The following ZNF512 variants were observed in gnomAD, a reference collection of about 807,000 sequenced individuals.
ZNF512 encodes the protein zinc finger protein 512.
ZNF512 carries 25 observed loss-of-function variants against 77.5 expected under a neutral mutation model. That is an observed-to-expected ratio of 0.32 (90% CI 0.23 to 0.45). ZNF512 has a LOEUF of 0.45. Among genes scored for constraint, ZNF512 ranks in the 20% least tolerant of loss-of-function variants. The pLI, the probability that ZNF512 is intolerant of heterozygous loss-of-function variation, is 1.00. For synonymous variants in ZNF512, 246 were observed against 239.9 expected, an observed-to-expected ratio of 1.03 and a Z score of -0.24; for missense variants, 483 against 692.6, an observed-to-expected ratio of 0.70 and a Z score of 3.40.
At chr2:27,593,558 C>G (rs1200942590) in intron 2 of ZNF512, among the ~76,000 whole-genome samples, 1 of 152,262 alleles carries the variant, frequency 6.6e-6, no homozygotes, top group African/African-American at 2.4e-5. Flanking sequence ...GAGGTCCAAG[C>G]TGCAGTGAGC....
intron 9 of ZNF512, among the ~76,000 whole-genome samples, chr2:27,607,088 A>G (rs1672400339): frequency 6.6e-6 from 1 of 152,084 alleles, no homozygotes; most frequent in African/African-American, 2.4e-5. Context: ...TCAACTGATT[A>G]TAGACTTTTA....
intron 2 of ZNF512, among the ~76,000 whole-genome samples, chr2:27,596,418 A>G (rs1671874261): frequency 6.6e-6 from 1 of 152,098 alleles, no homozygotes; most frequent in South Asian, 2.1e-4. Context: ...TCTCTCTAGC[A>G]TTCCTCCCAC....
At chr2:27,605,916 G>C (rs1399598879) in intron 9 of ZNF512, among the ~76,000 whole-genome samples, 1 of 152,202 alleles carries the variant, frequency 6.6e-6, no homozygotes, top group African/African-American at 2.4e-5. Context: ...GTGCCATTTT[G>C]CATTCCCCCA....
intron 8 of ZNF512, 42 bp from the exon 9 acceptor site, chr2:27,603,098 A>G: frequency 6.2e-7 from 1 of 1,603,078 alleles, no homozygotes; most frequent in South Asian, 1.1e-5. Context: ...GATCATGTCA[A>G]AAGATGTAAG....
chr2:27,591,191 C>T (rs888371594), intron 2 of ZNF512, among the ~76,000 whole-genome samples: 3 of 152,106 alleles, frequency 2.0e-5, no homozygotes, highest in African/African-American at 7.2e-5. Flanking sequence ...TGCATGGCAC[C>T]ACACCTGGAT....
At chr2:27,610,059 A>G (rs1030677181) in intron 10 of ZNF512, among the ~76,000 whole-genome samples, 1 of 151,430 alleles carries the variant, frequency 6.6e-6, no homozygotes, top group African/African-American at 2.4e-5. Flanking sequence ...AATAATAAAA[A>G]TAAATAAATA....
At chr2:27,615,001 A>T (rs1290308876) in intron 10 of ZNF512, among the ~76,000 whole-genome samples, 167 bp from the exon 11 acceptor site, 1 of 152,130 alleles carries the variant, frequency 6.6e-6, no homozygotes, top group Non-Finnish European at 1.5e-5. Context: ...AGACCATTAC[A>T]CTTATCAGTT....
chr2:27,619,884 CATT>C (rs1039054395), intron 13 of ZNF512, among the ~76,000 whole-genome samples: 5 of 152,128 alleles, frequency 3.3e-5, no homozygotes, highest in Non-Finnish European at 5.9e-5. Flanking sequence ...CCACAAACAT[CATT>C]ATACCTAAAA....
Position 27,617,533 on chromosome 2 carries a change from A to G in ZNF512, c.1357A>G (p.Ser453Gly), listed in dbSNP as rs1244939159. ...LLCQKEFVSE[S>G]GVKYHINSVH... ...ATGTCAGAAAGAATTTGTGTCAGAG[A>G]GTGGTGTCAAGTATCACATCAACTC... The change falls in exon 13 of 14, where the codon AGT becomes GGT. Residue 453 changes from serine (S) to glycine (G), a missense_variant. Ser to Gly is a moderately conservative substitution (Grantham distance 56). Transcript: ENST00000355467. 1 of 1,473,508 alleles carries G rather than the reference A, an allele frequency of 6.8e-7. No individual in the cohort carries two copies. Among genetic ancestry groups the G allele is most frequent in the Non-Finnish European group, 9.5e-7 (1 of 1,051,770 alleles). 91.3% of individuals were successfully genotyped at this position (1,473,508 alleles called of 1,614,324 possible).
rs193213626 is a variant in ZNF512, at chr2:27,618,460, C to T, written c.1395+889C>T. Among the ~76,000 whole-genome samples, 154 of 152,250 alleles carry T rather than the reference C, an allele frequency of 1.0e-3. 4 individuals are homozygous for T. The East Asian group carries it at 0.023, about 23-fold the overall frequency. On this transcript the variant is annotated intron_variant, in intron 13 of 13. Coordinates refer to ENST00000355467, the MANE Select transcript of ZNF512 (RefSeq NM_032434.4). Reference sequence around the variant, plus strand: ...ACTGTATTAAATAATAGTATTGTGTCAGTGTTAACATTCCCAAAGGTGATA... The same window carrying T: ...ACTGTATTAAATAATAGTATTGTGTTAGTGTTAACATTCCCAAAGGTGATA...
chr2:27,619,225 C>T (rs929451560), intron 13 of ZNF512, among the ~76,000 whole-genome samples: 19 of 152,290 alleles, frequency 1.2e-4, no homozygotes, highest in African/African-American at 4.6e-4. Context: ...GCCTGGCCAT[C>T]ATGGTGAAAC....
At chr2:27,613,627 A>G (rs1672758291) in intron 10 of ZNF512, among the ~76,000 whole-genome samples, 1 of 152,150 alleles carries the variant, frequency 6.6e-6, no homozygotes, top group Non-Finnish European at 1.5e-5. Flanking sequence ...AAGGCTGTGT[A>G]TATGAAAAGT....
At chr2:27,608,935 C>T (rs1168515487) in intron 10 of ZNF512, among the ~76,000 whole-genome samples, 3 of 151,654 alleles carry the variant, frequency 2.0e-5, no homozygotes, top group African/African-American at 7.3e-5. Flanking sequence ...ATGGTGAAAC[C>T]CCCTCTCTAC....
At chr2:27,592,965 G>A (rs1284499346) in intron 2 of ZNF512, among the ~76,000 whole-genome samples, 12 of 151,846 alleles carry the variant, frequency 7.9e-5, no homozygotes, top group South Asian at 2.1e-4. Flanking sequence ...GATTACAGGC[G>A]TGAGCCACCA....
intron 2 of ZNF512, among the ~76,000 whole-genome samples, chr2:27,592,798 G>A (rs1671654134): frequency 6.9e-6 from 1 of 143,978 alleles, no homozygotes; most frequent in African/African-American, 2.6e-5. Flanking sequence ...CGATTCTTCT[G>A]CTTCAGCCTA....
chr2:27,617,862 G>C (rs1291899613), intron 13 of ZNF512, among the ~76,000 whole-genome samples: 1 of 146,314 alleles, frequency 6.8e-6, no homozygotes, highest in Non-Finnish European at 1.5e-5. Flanking sequence ...CAGTGAGCTG[G>C]TTGCGCTACT....
At chr2:27,598,829 T>TTTC (rs111321718) in intron 3 of ZNF512, among the ~76,000 whole-genome samples, 12,701 of 151,826 alleles carry the variant, frequency 0.084, 1,806 homozygotes, top group African/African-American at 0.29. Flanking sequence ...GAATTCCCCT[T>TTTC]TTCTTCTTCT....
At position 27,599,616 on chromosome 2, in the gene ZNF512, A is replaced by G. The variant is rs1360741276; in HGVS notation, c.311A>G (p.Lys104Arg). 6.2e-7 allele frequency: 1 copy of G among 1,614,090 alleles called. No homozygotes were observed. Among genetic ancestry groups the G allele is most frequent in the African/African-American group, 1.3e-5 (1 of 74,938 alleles). ...GGAGTATCAGCCAAGGGGAAAAGGAAACCCAGGCAGGAAGAAGATGAAGAC... is the reference window on the plus strand; with the variant it reads ...GGAGTATCAGCCAAGGGGAAAAGGAGACCCAGGCAGGAAGAAGATGAAGAC... ...SGGVSAKGKR[K>R]PRQEEDEDYR... Residue 104 changes from lysine to arginine, a missense_variant, in exon 4 of 14, where the codon AAA becomes AGA. This residue lies in a region of ZNF512 where 159 missense variants were observed against 167.5 expected (regional missense o/e 0.95). Transcript: ENST00000355467.
intron 9 of ZNF512, among the ~76,000 whole-genome samples, chr2:27,604,740 C>G (rs981910770): frequency 5.3e-5 from 8 of 152,188 alleles, no homozygotes; most frequent in African/African-American, 1.9e-4. Flanking sequence ...GATCATACCA[C>G]TGCATTCCAG....
Sources: gnomAD v4.1 joint callset for allele counts (sites outside exome capture counted in the v4.1 genomes callset) on GRCh38, gnomAD v4.1.1 for gene constraint, gnomAD v4.1.1 regional missense constraint, MANE v1.5 for transcripts, NCBI Gene and HGNC (gene_info 2026-07-23, HGNC 2026-07-21) for gene names.